Variants in CHP1 observed in about 807,000 individuals in gnomAD.
CHP1 encodes the protein calcineurin like EF-hand protein 1.
CHP1 carries 11 observed loss-of-function variants against 27.4 expected under a neutral mutation model. That is an observed-to-expected ratio of 0.40 (90% CI 0.25 to 0.67). The LOEUF is 0.67. CHP1 is among the 30% of genes least tolerant of loss of function. CHP1 has a pLI of 0.38. For missense variants in CHP1, 169 were observed against 251.3 expected (o/e 0.67, Z 2.22); for synonymous variants, 89 against 87.4 (o/e 1.02, Z -0.10).
At chr15:41,251,518 C>G (rs1057472937) in intron 2 of CHP1, among the ~76,000 whole-genome samples, 4 of 152,112 alleles carry the variant, frequency 2.6e-5, no homozygotes, top group Non-Finnish European at 5.9e-5. Context: ...AGTTAGGAAC[C>G]GGGCTACACA....
chr15:41,246,982 G>A (rs1432262776), intron 2 of CHP1, among the ~76,000 whole-genome samples: 25 of 143,488 alleles, frequency 1.7e-4, no homozygotes, highest in African/African-American at 4.1e-4. Flanking sequence ...TCAGGAGGTC[G>A]AGACCATGGG....
At chr15:41,260,992 C>G (rs2047429849) in intron 3 of CHP1, among the ~76,000 whole-genome samples, 1 of 150,946 alleles carries the variant, frequency 6.6e-6, no homozygotes, top group South Asian at 2.1e-4. Flanking sequence ...TCAAGTGATT[C>G]TCCCACCTCA....
At chr15:41,270,483 C>CT in intron 4 of CHP1, 74 bp from the exon 5 acceptor site, 1 of 1,104,348 alleles carries the variant, frequency 9.1e-7, no homozygotes, top group Non-Finnish European at 1.4e-6. Context: ...TGTCTAGTGT[C>CT]TTATATATTT....
chr15:41,260,621 C>T (rs555333493), intron 3 of CHP1, among the ~76,000 whole-genome samples: 6 of 151,906 alleles, frequency 3.9e-5, no homozygotes, highest in South Asian at 2.1e-4. Context: ...TCTTGAACTC[C>T]TGACCTCAGG....
Position 41,231,577 on chromosome 15 carries a change from G to C in CHP1, c.67+128G>C, listed in dbSNP as rs959151344. 3.6e-6 allele frequency: 3 copies of C among 832,842 alleles called. No homozygotes were observed. In the African/African-American group the frequency reaches 5.1e-5, roughly 14 times the overall value. The allele number at this position is 832,842 out of a possible 1,614,324, so 51.6% of individuals were successfully genotyped here. On this transcript the variant is annotated intron_variant, in intron 1 of 6. Transcript: ENST00000334660. ...GGGGTCCTGGGCAGCCTCCAGGTTT[G>C]GGGACCGAGAGCTGGAAGACCTGTT...
chr15:41,267,119 T>C (rs1036789767), intron 4 of CHP1, among the ~76,000 whole-genome samples: 6 of 152,164 alleles, frequency 3.9e-5, no homozygotes, highest in Non-Finnish European at 8.8e-5. Context: ...TATGTGAGGT[T>C]TCCAGAGTGG....
intron 4 of CHP1, among the ~76,000 whole-genome samples, chr15:41,266,723 C>T (rs1156239194): frequency 2.0e-5 from 3 of 152,062 alleles, no homozygotes; most frequent in East Asian, 3.9e-4. Context: ...ATTCTGAGGC[C>T]GGGAGCGGTG....
At chr15:41,231,827 C>G (rs1031079955) in intron 1 of CHP1, among the ~76,000 whole-genome samples, 9 of 152,078 alleles carry the variant, frequency 5.9e-5, no homozygotes, top group Admixed American at 5.9e-4. Context: ...TTCAGGAACT[C>G]GAGATGGATT....
At chr15:41,279,072 G>A (rs1455508233) in intron 6 of CHP1, among the ~76,000 whole-genome samples, 183 bp downstream of exon 6, 24 of 152,032 alleles carry the variant, frequency 1.6e-4, no homozygotes, top group African/African-American at 5.3e-4. Context: ...TTAGCCAGGC[G>A]TGGTGGCGCG....
At chr15:41,247,976 A>AAAT (rs2047344662) in intron 2 of CHP1, among the ~76,000 whole-genome samples, 2 of 141,842 alleles carry the variant, frequency 1.4e-5, no homozygotes, top group South Asian at 4.3e-4. Context: ...CTCAAATAAA[A>AAAT]AAATAAATAA....
At chr15:41,271,973 C>T (rs1351084631) in intron 5 of CHP1, among the ~76,000 whole-genome samples, 1 of 152,174 alleles carries the variant, frequency 6.6e-6, no homozygotes, top group African/African-American at 2.4e-5. Flanking sequence ...GTTATCCACC[C>T]GCCTCGGCCT....
At chr15:41,252,995 G>C (rs1241789696) in intron 2 of CHP1, among the ~76,000 whole-genome samples, 1 of 125,378 alleles carries the variant, frequency 8.0e-6, no homozygotes, top group Non-Finnish European at 1.6e-5. Flanking sequence ...CTGGAGTGCA[G>C]TGGCGCAATC....
chr15:41,235,205 A>G (rs1160015509), intron 1 of CHP1, among the ~76,000 whole-genome samples: 1 of 152,140 alleles, frequency 6.6e-6, no homozygotes, highest in Non-Finnish European at 1.5e-5. Context: ...TTGTAGCAAT[A>G]AGCTGGCTGT....
chr15:41,251,346 A>T (rs1402609614), intron 2 of CHP1, among the ~76,000 whole-genome samples: 1 of 151,982 alleles, frequency 6.6e-6, no homozygotes. Flanking sequence ...CTGCCTTGTA[A>T]CTCCATAGAT....
At chr15:41,264,020 A>C (rs765138995) in intron 4 of CHP1, 7 of 394,714 alleles carry the variant, frequency 1.8e-5, no homozygotes, top group Non-Finnish European at 2.9e-5. Context: ...TTAGGCCGGC[A>C]GGAGGGTTGA....
chr15:41,234,095 G>T lies in CHP1; in HGVS notation c.67+2646G>T, dbSNP rs1002721095. 4 of 152,120 alleles carry T rather than the reference G, an allele frequency of 2.6e-5. 1 individual carries two copies. Among genetic ancestry groups the T allele is most frequent in the African/African-American group, 9.7e-5 (4 of 41,418 alleles). 9.4% of individuals were successfully genotyped at this position (152,120 alleles called of 1,614,324 possible). The stretch of plus-strand genomic sequence containing the variant: ...GTCCCAAGTAGCTAGGACTACAGGC[G>T]CATACCACCATGCTTACCTGATTTT... On this transcript the variant is annotated intron_variant, in intron 1 of 6. Coordinates refer to ENST00000334660, the MANE Select transcript of CHP1 (RefSeq NM_007236.5).
At chr15:41,238,619 T>TC (rs1320720563) in intron 1 of CHP1, among the ~76,000 whole-genome samples, 1 of 150,936 alleles carries the variant, frequency 6.6e-6, no homozygotes, top group African/African-American at 2.4e-5. Flanking sequence ...GGCGGGTGGA[T>TC]CACGAGGTCG....
At chr15:41,279,149 T>C (rs1310806495) in intron 6 of CHP1, among the ~76,000 whole-genome samples, 187 bp from the exon 7 acceptor site, 1 of 149,894 alleles carries the variant, frequency 6.7e-6, no homozygotes. Flanking sequence ...AGGCCAAGGT[T>C]GCAGTGAGCC....
At position 41,231,282 on chromosome 15, in the gene CHP1, C is replaced by T; in HGVS notation, c.-101C>T. 8.4e-7 allele frequency: 1 copy of T among 1,186,332 alleles called. No individual in the cohort carries two copies. The highest frequency in any genetic ancestry group is 1.2e-6 in the Non-Finnish European group (1 of 819,544). 73.5% of individuals were successfully genotyped at this position (1,186,332 alleles called of 1,614,324 possible). ...CCCGGGTCCGCAGTGGAAACACTGC[C>T]CTCTCCCTTCTTGACCCCTAGCCCT... is the stretch of plus-strand genomic sequence containing the variant. On this transcript the variant is annotated 5_prime_UTR_variant, in exon 1 of 7. Coordinates refer to ENST00000334660, the MANE Select transcript of CHP1 (RefSeq NM_007236.5).
Sources: allele counts gnomAD v4.1 joint callset (sites outside exome capture counted in the v4.1 genomes callset), GRCh38; gene constraint gnomAD v4.1.1; transcripts MANE v1.5; gene names NCBI Gene and HGNC (gene_info 2026-07-23, HGNC 2026-07-21).